EXOC4: variants seen among roughly 807,000 people sequenced by gnomAD.
The protein encoded by EXOC4 is SEC8-like 1.
A neutral mutation model predicts 107.2 loss-of-function variants in EXOC4; 71 were observed. The observed-to-expected ratio is 0.66, with a 90% CI of 0.55 to 0.81. The LOEUF is 0.81. Ranked by LOEUF, EXOC4 falls within the 30% of genes least tolerant of loss-of-function variation. The probability of loss-of-function intolerance (pLI) is 0.00; values close to 1 mark genes in which losing one functional copy is unlikely to be tolerated. For missense variants in EXOC4, 1,108 were observed against 1,189.6 expected, an observed-to-expected ratio of 0.93 and a Z score of 1.01; for synonymous variants, 456 against 441.2, an observed-to-expected ratio of 1.03 and a Z score of -0.42.
chr7:133,812,914 G>A (rs1054492009), intron 10 of EXOC4, among the ~76,000 whole-genome samples: 4 of 151,456 alleles, frequency 2.6e-5, no homozygotes, highest in Admixed American at 1.3e-4. Context: ...CTTAGCCCCC[G>A]TTCTATCCAT....
chr7:133,256,285 T>G (rs1274098796), intron 1 of EXOC4, among the ~76,000 whole-genome samples: 3 of 152,206 alleles, frequency 2.0e-5, no homozygotes, highest in Non-Finnish European at 4.4e-5. Context: ...CTGGTCTGCA[T>G]TCATTTTTTC....
intron 9 of EXOC4, chr7:133,602,047 C>T (rs1393285299): frequency 1.3e-5 from 2 of 152,216 alleles, no homozygotes; most frequent in African/African-American, 4.8e-5. Context: ...ACTATATAAC[C>T]TCAGTTGGGT....
At chr7:133,824,309 T>A (rs1187992586) in intron 11 of EXOC4, among the ~76,000 whole-genome samples, 1 of 151,996 alleles carries the variant, frequency 6.6e-6, no homozygotes, top group African/African-American at 2.4e-5. Flanking sequence ...TGAACTCTAC[T>A]GACTGCGCCC....
chr7:133,531,847 G>C (rs2150922298), intron 9 of EXOC4, among the ~76,000 whole-genome samples: 1 of 152,140 alleles, frequency 6.6e-6, no homozygotes, highest in African/African-American at 2.4e-5. Flanking sequence ...AGACCTACAA[G>C]CACAGATTGA....
At chr7:133,929,617 A>G (rs2116692337) in intron 13 of EXOC4, among the ~76,000 whole-genome samples, 1 of 152,232 alleles carries the variant, frequency 6.6e-6, no homozygotes, top group Non-Finnish European at 1.5e-5. Flanking sequence ...CAGGTTTGTT[A>G]CATGGGTAAA....
At chr7:133,646,589 G>A (rs1802997689) in intron 10 of EXOC4, among the ~76,000 whole-genome samples, 1 of 152,094 alleles carries the variant, frequency 6.6e-6, no homozygotes, top group Non-Finnish European at 1.5e-5. Flanking sequence ...TTATCCACAT[G>A]TGTACTTACT....
chr7:133,568,175 C>A (rs948910349), intron 9 of EXOC4, among the ~76,000 whole-genome samples: 5 of 152,034 alleles, frequency 3.3e-5, no homozygotes, highest in African/African-American at 1.2e-4. Context: ...TTTTCTGCAA[C>A]CTGTCTCCTC....
chr7:133,574,751 T>C (rs11767900), intron 9 of EXOC4, among the ~76,000 whole-genome samples: 35,810 of 152,132 alleles, frequency 0.24, 5,009 homozygotes, highest in African/African-American at 0.37. Flanking sequence ...CCTCTTCTTC[T>C]CTTCATGATC....
At chr7:133,834,247 C>T (rs1386960510) in intron 11 of EXOC4, among the ~76,000 whole-genome samples, 1 of 152,064 alleles carries the variant, frequency 6.6e-6, no homozygotes, top group Non-Finnish European at 1.5e-5. Context: ...CCAGGCATGC[C>T]ACAGTACCAG....
intron 9 of EXOC4, among the ~76,000 whole-genome samples, chr7:133,602,350 GT>G (rs1801828883): frequency 6.6e-6 from 1 of 152,156 alleles, no homozygotes; most frequent in Non-Finnish European, 1.5e-5. Context: ...ATCCCTGACT[GT>G]TTTTGAAAGA....
intron 10 of EXOC4, among the ~76,000 whole-genome samples, chr7:133,736,520 T>C (rs936872493): frequency 2.6e-5 from 4 of 152,218 alleles, no homozygotes; most frequent in African/African-American, 9.6e-5. Context: ...ATCAGTATAA[T>C]ACCTCCTAAA....
At chr7:133,517,927 TCAAA>T (rs547129876) in intron 9 of EXOC4, among the ~76,000 whole-genome samples, 8 of 152,108 alleles carry the variant, frequency 5.3e-5, no homozygotes, top group Non-Finnish European at 8.8e-5. Context: ...GATTAAAACA[TCAAA>T]CATTTTTATT....
intron 11 of EXOC4, among the ~76,000 whole-genome samples, chr7:133,855,094 T>TATATATGTAAATATGTATATAA (rs1798330349): frequency 1.2e-5 from 1 of 84,428 alleles, no homozygotes; most frequent in East Asian, 3.0e-4. Context: ...TATATATAAA[T>TATATATGTAAATATGTATATAA]ATATATATAA....
At chr7:133,896,189 C>T (rs1388288660) in intron 12 of EXOC4, among the ~76,000 whole-genome samples, 1 of 152,138 alleles carries the variant, frequency 6.6e-6, no homozygotes, top group African/African-American at 2.4e-5. Flanking sequence ...AACAGTTACC[C>T]CTGTTTTCAG....
At chr7:133,386,407 T>C (rs1156603539) in intron 7 of EXOC4, among the ~76,000 whole-genome samples, 1 of 152,196 alleles carries the variant, frequency 6.6e-6, no homozygotes, top group Non-Finnish European at 1.5e-5. Flanking sequence ...TTGTATATCT[T>C]GCTTTTATGA....
intron 10 of EXOC4, among the ~76,000 whole-genome samples, chr7:133,785,107 C>G (rs1796541973): frequency 6.6e-6 from 1 of 152,144 alleles, no homozygotes; most frequent in Non-Finnish European, 1.5e-5. Context: ...TACCCGTCTT[C>G]CAGATTACTG....
In EXOC4 at chr7:133,864,812, C is replaced by T. The variant is rs1169887939; in HGVS notation, c.1735-30787C>T. ...AAAATGCAGTAGTGAGGCCAGATAT[C>T]AGATTCCTCAGAGCAGGAGTCTGAG... On this transcript the variant is annotated intron_variant, in intron 11 of 17. Coordinates refer to ENST00000253861, the MANE Select transcript of EXOC4 (RefSeq NM_021807.4). Among the ~76,000 whole-genome samples the T allele has an allele frequency of 2.0e-5, 3 of 152,170 alleles. No homozygotes were observed. The East Asian group carries it at 5.8e-4, about 29-fold the overall frequency.
At chr7:133,809,320 G>A (rs771403030) in intron 10 of EXOC4, among the ~76,000 whole-genome samples, 2 of 152,186 alleles carry the variant, frequency 1.3e-5, no homozygotes, top group Non-Finnish European at 1.5e-5. Flanking sequence ...AATATTAAAT[G>A]TGACAGTAGA....
chr7:133,965,786 T>C (rs1047845310), intron 14 of EXOC4, among the ~76,000 whole-genome samples: 3 of 152,198 alleles, frequency 2.0e-5, no homozygotes, highest in Admixed American at 1.3e-4. Flanking sequence ...TCTTTTTGCT[T>C]AGGATTGTCT....
Sources: allele counts gnomAD v4.1 joint callset (sites outside exome capture counted in the v4.1 genomes callset), GRCh38; gene constraint gnomAD v4.1.1; transcripts MANE v1.5; gene names NCBI Gene and HGNC (gene_info 2026-07-23, HGNC 2026-07-21).